Variants in XYLT1 observed in about 807,000 individuals in gnomAD.
XYLT1 encodes beta-D-xylosyltransferase 1.
In XYLT1, 36 loss-of-function variants were observed where a neutral mutation model predicts 91.3. The observed-to-expected ratio is 0.39, with a 90% confidence interval of 0.30 to 0.52. The LOEUF is 0.52. Ranked by LOEUF, XYLT1 falls within the 20% of genes least tolerant of loss-of-function variation. XYLT1 has a pLI of 0.68. For synonymous variants in XYLT1, 588 were observed against 532.0 expected (o/e 1.11, Z -1.45); for missense variants, 1,242 against 1,284.5 (o/e 0.97, Z 0.51).
intron 2 of XYLT1, among the ~76,000 whole-genome samples, chr16:17,320,479 TTTC>T (rs2034698854): frequency 2.0e-5 from 2 of 98,488 alleles, no homozygotes; most frequent in Admixed American, 2.5e-4. Flanking sequence ...CTTGGAAAAG[TTTC>T]TTTTTTTTTT....
chr16:17,337,008 T>C (rs2034990733), intron 2 of XYLT1, among the ~76,000 whole-genome samples: 1 of 152,208 alleles, frequency 6.6e-6, no homozygotes, highest in Non-Finnish European at 1.5e-5. Flanking sequence ...TAAGATCGTA[T>C]GTAACCCCAA....
chr16:17,212,379 T>C (rs1321794511), intron 3 of XYLT1, among the ~76,000 whole-genome samples: 4 of 152,172 alleles, frequency 2.6e-5, no homozygotes, highest in African/African-American at 2.4e-5. Flanking sequence ...GGCGCAAGTA[T>C]TGGGACTCTT....
chr16:17,400,567 G>A (rs2035950131), intron 1 of XYLT1, among the ~76,000 whole-genome samples: 1 of 142,658 alleles, frequency 7.0e-6, no homozygotes. Flanking sequence ...TCCAGCCTGG[G>A]TGACAGAAAG....
At chr16:17,369,839 C>T (rs1003451790) in intron 1 of XYLT1, 2 of 152,200 alleles carry the variant, frequency 1.3e-5, no homozygotes, top group African/African-American at 4.8e-5. Flanking sequence ...TGGGCAGCTG[C>T]CTGTGAACAG....
At chr16:17,352,588 A>G (rs942430462) in intron 2 of XYLT1, among the ~76,000 whole-genome samples, 1 of 152,190 alleles carries the variant, frequency 6.6e-6, no homozygotes, top group Admixed American at 6.6e-5. Flanking sequence ...TTGCAAGGTT[A>G]ACTTTTAACT....
At chr16:17,133,660 T>G (rs2030587439) in intron 9 of XYLT1, among the ~76,000 whole-genome samples, 1 of 152,158 alleles carries the variant, frequency 6.6e-6, no homozygotes, top group African/African-American at 2.4e-5. Context: ...ATATCCAAAA[T>G]GCATATTGCT....
chr16:17,448,412 T>C (rs761698217), intron 1 of XYLT1, among the ~76,000 whole-genome samples: 4 of 152,082 alleles, frequency 2.6e-5, no homozygotes, highest in African/African-American at 9.7e-5. Context: ...GGCGACACAG[T>C]AAAAAATGTG....
At chr16:17,314,834 C>T (rs2034602209) in intron 2 of XYLT1, among the ~76,000 whole-genome samples, 1 of 152,200 alleles carries the variant, frequency 6.6e-6, no homozygotes, top group African/African-American at 2.4e-5. Context: ...TACAACTTGA[C>T]AGCTAGAAGC....
intron 3 of XYLT1, among the ~76,000 whole-genome samples, chr16:17,220,627 C>G (rs2032949684): frequency 1.3e-5 from 2 of 152,200 alleles, no homozygotes; most frequent in African/African-American, 4.8e-5. Context: ...TGTGTGCCAC[C>G]ACACTCGGCT....
intron 2 of XYLT1, among the ~76,000 whole-genome samples, chr16:17,279,811 A>C (rs1463448291): frequency 1.3e-5 from 2 of 152,160 alleles, no homozygotes; most frequent in Non-Finnish European, 2.9e-5. Context: ...CAGTTAGGGG[A>C]CAACAGGACC....
intron 6 of XYLT1, among the ~76,000 whole-genome samples, chr16:17,153,373 T>C (rs1164997250): frequency 1.3e-5 from 2 of 152,226 alleles, no homozygotes; most frequent in Non-Finnish European, 2.9e-5. Context: ...TTAACTGCTA[T>C]GCTATGTGCT....
chr16:17,271,654 C>A (rs897582979), intron 2 of XYLT1, among the ~76,000 whole-genome samples: 5 of 152,096 alleles, frequency 3.3e-5, no homozygotes, highest in Admixed American at 2.0e-4. Context: ...TGAGCTTTAC[C>A]CACTAGACCC....
At chr16:17,131,783 T>C (rs7193981) in intron 9 of XYLT1, among the ~76,000 whole-genome samples, 145,112 of 152,336 alleles carry the variant, frequency 0.95, 69,172 homozygotes, top group Middle Eastern at 0.98. Flanking sequence ...CCAGATAAAA[T>C]GAGACTGTTA....
intron 1 of XYLT1, chr16:17,403,648 TC>T (rs1362981729): frequency 6.6e-6 from 1 of 151,994 alleles, no homozygotes; most frequent in Non-Finnish European, 1.5e-5. Context: ...TCCCACCGGG[TC>T]CCTCCCACAA....
chr16:17,278,268 G>GT (rs1256248149), intron 2 of XYLT1, among the ~76,000 whole-genome samples: 3 of 152,222 alleles, frequency 2.0e-5, no homozygotes, highest in African/African-American at 7.2e-5. Flanking sequence ...AAGAGACCCG[G>GT]TGGACCGCAG....
chr16:17,402,914 A>T (rs1318362578), intron 1 of XYLT1, among the ~76,000 whole-genome samples: 1 of 151,804 alleles, frequency 6.6e-6, no homozygotes, highest in Admixed American at 6.6e-5. Flanking sequence ...TATTTTAAAA[A>T]TTTTTTGTAG....
At chr16:17,429,184 G>A (rs1167924082) in intron 1 of XYLT1, among the ~76,000 whole-genome samples, 1 of 152,202 alleles carries the variant, frequency 6.6e-6, no homozygotes, top group African/African-American at 2.4e-5. Flanking sequence ...TCCTTAACTG[G>A]AGATAATCCG....
At chr16:17,212,491 C>T (rs914396022) in intron 3 of XYLT1, among the ~76,000 whole-genome samples, 27 of 152,232 alleles carry the variant, frequency 1.8e-4, no homozygotes, top group Middle Eastern at 3.4e-3. Context: ...ACGCATCTCT[C>T]GAGGTGGAAA....
intron 2 of XYLT1, among the ~76,000 whole-genome samples, chr16:17,321,622 T>C (rs1328505524): frequency 1.3e-5 from 2 of 152,094 alleles, no homozygotes. Context: ...ACTCCCGAAG[T>C]GCTGGGATTA....
Sources: gnomAD v4.1 joint callset for allele counts (sites outside exome capture counted in the v4.1 genomes callset) on GRCh38, gnomAD v4.1.1 for gene constraint, MANE v1.5 for transcripts, NCBI Gene and HGNC (gene_info 2026-07-23, HGNC 2026-07-21) for gene names.